ZNF300: variants seen among roughly 807,000 people sequenced by gnomAD.
ZNF300 encodes kruppel-like zinc finger protein.
In ZNF300, 6 loss-of-function variants were observed where a neutral mutation model predicts 13.9. That is an observed-to-expected ratio of 0.43 (90% CI 0.24 to 0.85). The LOEUF (loss-of-function observed/expected upper bound fraction) is 0.85, where lower values mean the gene tolerates loss of function less well. Ranked by LOEUF, ZNF300 falls within the 40% of genes least tolerant of loss-of-function variation. ZNF300 has a pLI of 0.25. For missense variants in ZNF300, 662 were observed against 714.2 expected (o/e 0.93, Z 0.83); for synonymous variants, 237 against 242.2 (o/e 0.98, Z 0.20).
intron 2 of ZNF300, 167 bp from the exon 3 acceptor site, chr5:150,903,349 T>C (rs923076840): frequency 1.3e-6 from 2 of 1,552,336 alleles, no homozygotes; most frequent in Admixed American, 2.0e-5. Flanking sequence ...GCAGGCACCA[T>C]GTGGAGGAGG....
At chr5:150,898,678 G>A in intron 3 of ZNF300, 124 bp from the exon 4 acceptor site, 1 of 1,159,086 alleles carries the variant, frequency 8.6e-7, no homozygotes, top group South Asian at 2.0e-5. Context: ...ATAAAATCCT[G>A]TTTTTAGCAA....
At chr5:150,898,305 A>T in intron 4 of ZNF300, 121 bp from the exon 5 acceptor site, 1 of 1,584,664 alleles carries the variant, frequency 6.3e-7, no homozygotes, top group Non-Finnish European at 8.6e-7. Context: ...CATAACCTCC[A>T]TTTGCAAAGG....
At chr5:150,903,106 AG>A in intron 3 of ZNF300, 34 bp downstream of exon 3, 1 of 1,558,872 alleles carries the variant, frequency 6.4e-7, no homozygotes, top group East Asian at 2.3e-5. Context: ...GAAAAACCAA[AG>A]AAGAATTTTT....
At chr5:150,902,144 T>C (rs537810741) in intron 3 of ZNF300, among the ~76,000 whole-genome samples, 7 of 152,158 alleles carry the variant, frequency 4.6e-5, no homozygotes, top group Non-Finnish European at 1.0e-4. Flanking sequence ...TTATCTTTTA[T>C]ATAATTTTAA....
chr5:150,898,418 C>G lies in ZNF300; in HGVS notation c.142+10G>C. 1 of 1,613,376 alleles carries G rather than the reference C, an allele frequency of 6.2e-7. No homozygotes were observed. The highest frequency in any genetic ancestry group is 8.5e-7 in the Non-Finnish European group (1 of 1,179,576). On this transcript the variant is annotated intron_variant, in intron 4 of 5. Coordinates refer to ENST00000274599, the MANE Select transcript of ZNF300 (RefSeq NM_052860.4). ...GACAACTCTGAGTTATTCAGGGAAGCCATCCTTACCCATTGAGACCAGGTG... is the reference window on the plus strand; with the variant it reads ...GACAACTCTGAGTTATTCAGGGAAGGCATCCTTACCCATTGAGACCAGGTG...
In ZNF300 at chr5:150,898,494, C is replaced by G; in HGVS notation, c.76G>C (p.Asp26His). 6.2e-7 allele frequency: 1 copy of G among 1,613,166 alleles called. No homozygotes were observed. Among genetic ancestry groups the G allele is most frequent in the African/African-American group, 1.3e-5 (1 of 74,940 alleles). Residue 26 changes from aspartate to histidine, a missense_variant, in exon 4 of 6, where the codon GAC becomes CAC. By Grantham distance (81) the Asp-to-His change is moderately conservative (BLOSUM62 -1). Transcript: ENST00000274599. Reference protein sequence around the residue: ...DFTQEEWQQLDPSQRTLYRDV... With the variant: ...DFTQEEWQQLHPSQRTLYRDV... ...CTGTACAGGGTCCTCTGAGAAGGGT[C>G]AAGTTGCTGCCACTCCTCCTGGGTG...
At chr5:150,897,892 G>A (rs2113019998) in intron 5 of ZNF300, 170 bp downstream of exon 5, 1 of 720,004 alleles carries the variant, frequency 1.4e-6, no homozygotes, top group Non-Finnish European at 2.2e-6. Flanking sequence ...ATACACACAA[G>A]AGACAGGATC....
At chr5:150,901,562 C>G (rs767347761) in intron 3 of ZNF300, among the ~76,000 whole-genome samples, 2 of 152,032 alleles carry the variant, frequency 1.3e-5, no homozygotes, top group Non-Finnish European at 2.9e-5. Context: ...TGCAATAGAA[C>G]TCTAAACTCT....
In ZNF300 at chr5:150,895,463, T is replaced by C. The variant is rs561281643; in HGVS notation, c.1776A>G (p.Leu592=). ...CGKAFIQKSQ[L]TVHQRIHTVV... ...CTGTGTGAATTCTCTGGTGTACAGT[T>C]AGTTGTGACTTCTGGATGAAGGCCT... is the stretch of plus-strand genomic sequence containing the variant. The change falls in exon 6 of 6, where the codon CTA becomes CTG. Residue 592 remains leucine (L), a synonymous_variant. Transcript: ENST00000274599. 3 of 1,612,110 alleles carry C rather than the reference T, an allele frequency of 1.9e-6. No homozygotes were observed. The highest frequency in any genetic ancestry group is 2.2e-5 in the East Asian group (1 of 44,832).
Position 150,894,615 on chromosome 5 carries a change from TAG to T in ZNF300, c.*807_*808del, listed in dbSNP as rs1221359770. ...AGTCTTAACATCTAATGCTTCAAGA[TAG>T]AGAGTAAAGATTTAAAAAGTACTAA... On this transcript the variant is annotated 3_prime_UTR_variant, in exon 6 of 6. Coordinates refer to ENST00000274599, the MANE Select transcript of ZNF300 (RefSeq NM_052860.4). 6.6e-6 allele frequency: 1 copy of T among 152,230 alleles called. No individual in the cohort carries two copies. The highest frequency in any genetic ancestry group is 1.5e-5 in the Non-Finnish European group (1 of 68,002). The allele number at this position is 152,230 out of a possible 1,614,324, so 9.4% of individuals were successfully genotyped here.
intron 5 of ZNF300, chr5:150,897,180 AAACTT>A (rs779669681): frequency 7.5e-5 from 33 of 438,752 alleles, no homozygotes; most frequent in South Asian, 1.4e-4. Context: ...TGTAAAAACT[AAACTT>A]AAAAGAGATG....
At chr5:150,900,151 G>T (rs1271347700) in intron 3 of ZNF300, among the ~76,000 whole-genome samples, 1 of 152,068 alleles carries the variant, frequency 6.6e-6, no homozygotes, top group Non-Finnish European at 1.5e-5. Flanking sequence ...TATGATTGAT[G>T]AACTCTCTTA....
rs1233121436 is a variant in ZNF300, at chr5:150,896,297, T to C, written c.942A>G (p.Val314=). ...KAFSEKFHLV[V]HQRTHTGEKP... ...TCTCCCCAGTATGAGTTCTCTGATG[T>C]ACAACAAGATGAAACTTCTCACTGA... Residue 314 remains valine, a synonymous_variant, in exon 6 of 6, where the codon GTA becomes GTG. Transcript: ENST00000274599. 1.7e-5 allele frequency: 27 copies of C among 1,613,590 alleles called. No homozygotes were observed. The highest frequency in any genetic ancestry group is 2.3e-5 in the Non-Finnish European group (27 of 1,179,824).
Position 150,903,142 on chromosome 5 carries a change from TG to T in ZNF300, c.13del (p.Gln5ArgfsTer3). The T allele has an allele frequency of 1.2e-6, 2 of 1,612,972 alleles. No individual in the cohort carries two copies. The highest frequency in any genetic ancestry group is 1.7e-6 in the Non-Finnish European group (2 of 1,179,606). MMKSQGLVSFKDVAV... is the reference protein window; with the variant it reads MMKSXGLVSFKDVAV... ...TTTTTTTTTTAAAAAGCAACTCACC[TG>T]GGACTTCATCATTTTTTGCTCTTCC... On this transcript the variant is annotated frameshift_variant and splice_region_variant, in exon 3 of 6. Coordinates refer to ENST00000274599, the MANE Select transcript of ZNF300 (RefSeq NM_052860.4). LOFTEE classifies it high-confidence loss of function.
chr5:150,895,647 GAGA>G lies in ZNF300; in HGVS notation c.1589_1591del (p.Phe530del), dbSNP rs1316424418. On this transcript the variant is annotated inframe_deletion, in exon 6 of 6. Coordinates refer to ENST00000274599, the MANE Select transcript of ZNF300 (RefSeq NM_052860.4). ...GTGTCCCGGAAGGTGGGACTTCTGAGAGAAGGCTTTCCCACATTCAGTACATAT... is the reference window on the plus strand; with the variant it reads ...GTGTCCCGGAAGGTGGGACTTCTGAGAGGCTTTCCCACATTCAGTACATAT... The G allele has an allele frequency of 1.9e-6, 3 of 1,613,012 alleles. No homozygotes were observed. The Admixed American group carries it at 5.0e-5, about 27-fold the overall frequency.
intron 5 of ZNF300, 24 bp from the exon 6 acceptor site, chr5:150,896,997 T>A: frequency 6.4e-7 from 1 of 1,565,866 alleles, no homozygotes; most frequent in Non-Finnish European, 8.7e-7. Flanking sequence ...AGATACAATT[T>A]AAGAGTCATC....
Position 150,895,875 on chromosome 5 carries a change from T to C in ZNF300, c.1364A>G (p.His455Arg). ...AFSRKTELIT[H>R]QLVHTGEKPY... ...TTTTTCCCCAGTATGAACTAACTGA[T>C]GTGTAATGAGTTCTGTCTTCCTGCT... Residue 455 changes from histidine to arginine, a missense_variant, in exon 6 of 6, where the codon CAT becomes CGT. Physicochemically the swap from His to Arg is conservative, Grantham distance 29 (BLOSUM62 0). Coordinates refer to ENST00000274599, the MANE Select transcript of ZNF300 (RefSeq NM_052860.4). The C allele has an allele frequency of 6.2e-7, 1 of 1,613,696 alleles. No homozygotes were observed. The highest frequency in any genetic ancestry group is 8.5e-7 in the Non-Finnish European group (1 of 1,179,846).
intron 2 of ZNF300, 82 bp downstream of exon 2, chr5:150,903,782 C>A: frequency 5.4e-6 from 1 of 184,258 alleles, no homozygotes; most frequent in East Asian, 1.3e-4. Flanking sequence ...TTCAACAGCT[C>A]TATTGTCTGT....
chr5:150,898,174 AACTGGAT>A lies in ZNF300; in HGVS notation c.146_152del (p.Tyr49PhefsTer19). On this transcript the variant is annotated frameshift_variant, in exon 5 of 6. Transcript: ENST00000274599. LOFTEE classifies it high-confidence loss of function. ...ACTTGGAGATGACATCTGGTTTGGA[AACTGGAT>A]ACCCTATTAAACAGAAATCACAGAG... 1 of 1,613,402 alleles carries A rather than the reference AACTGGAT, an allele frequency of 6.2e-7. No homozygotes were observed. The highest frequency in any genetic ancestry group is 1.1e-5 in the South Asian group (1 of 91,028).
Sources: gnomAD v4.1 joint callset for allele counts (sites outside exome capture counted in the v4.1 genomes callset) on GRCh38, gnomAD v4.1.1 for gene constraint, MANE v1.5 for transcripts, NCBI Gene and HGNC (gene_info 2026-07-23, HGNC 2026-07-21) for gene names.